The following CSRNP3 variants were observed in gnomAD, a reference collection of about 807,000 sequenced individuals.
The protein encoded by CSRNP3 is cysteine and serine rich nuclear protein 3.
A neutral mutation model predicts 48.0 loss-of-function variants in CSRNP3; 12 were observed. The observed-to-expected ratio is 0.25, with a 90% CI of 0.16 to 0.41. The LOEUF is 0.41. CSRNP3 is among the 10% of genes least tolerant of loss of function. CSRNP3 has a pLI of 1.00. For synonymous variants in CSRNP3, 263 were observed against 269.7 expected (o/e 0.98, Z 0.24); for missense variants, 580 against 724.4 (o/e 0.80, Z 2.29).
At chr2:165,670,249 G>A (rs1021148221) in intron 5 of CSRNP3, among the ~76,000 whole-genome samples, 7 of 152,024 alleles carry the variant, frequency 4.6e-5, no homozygotes, top group Non-Finnish European at 8.8e-5. Context: ...CCCACTGCCA[G>A]CCCCACTGCC....
intron 3 of CSRNP3, among the ~76,000 whole-genome samples, chr2:165,534,721 ATATT>A (rs1469912087): frequency 6.6e-6 from 1 of 151,820 alleles, no homozygotes; most frequent in Non-Finnish European, 1.5e-5. Context: ...CATCAAGTAA[ATATT>A]AAGTGAAAAA....
rs552531095 is a variant in CSRNP3 at position 165,672,184 on chromosome 2, C to G, written c.409-4128C>G. Among the ~76,000 whole-genome samples the G allele has an allele frequency of 3.3e-5, 5 of 152,314 alleles. No individual in the cohort carries two copies. In the South Asian group the frequency reaches 1.0e-3, roughly 32 times the overall value. ...TGAGCTCTCCAAACTGTTCCAACCT[C>G]TGCCTATTACCCAGTTCCAAAGTTG... On this transcript the variant is annotated intron_variant, in intron 5 of 6. Transcript: ENST00000651982.
At chr2:165,544,330 A>G (rs766594436) in intron 3 of CSRNP3, among the ~76,000 whole-genome samples, 4 of 152,170 alleles carry the variant, frequency 2.6e-5, no homozygotes, top group South Asian at 2.1e-4. Flanking sequence ...ATAGACAGCT[A>G]GAAATGGTGA....
intron 4 of CSRNP3, among the ~76,000 whole-genome samples, chr2:165,626,856 C>T (rs915674024): frequency 4.6e-5 from 7 of 152,156 alleles, no homozygotes; most frequent in Admixed American, 1.3e-4. Flanking sequence ...TATGGTTTTC[C>T]GTACCCTCAA....
intron 5 of CSRNP3, among the ~76,000 whole-genome samples, chr2:165,665,589 C>A (rs187470207): frequency 6.6e-6 from 1 of 151,964 alleles, no homozygotes; most frequent in Non-Finnish European, 1.5e-5. Context: ...AGTGAGACCC[C>A]TTCTCTACAA....
rs938814957 is a variant in CSRNP3 at position 165,565,376 on chromosome 2, T to C, written c.-23-29667T>C. On this transcript the variant is annotated intron_variant, in intron 3 of 6. Coordinates refer to ENST00000651982, the MANE Select transcript of CSRNP3 (RefSeq NM_001172173.2). Reference sequence around the variant, plus strand: ...TGAATGAAATGTTGATGTTCTAAACTAATAAAGGTGTGAAAAGAATATCTG... The same window carrying C: ...TGAATGAAATGTTGATGTTCTAAACCAATAAAGGTGTGAAAAGAATATCTG... Among the ~76,000 whole-genome samples the C allele has an allele frequency of 2.4e-4, 37 of 152,086 alleles. 1 individual carries two copies. The highest frequency in any genetic ancestry group is 2.4e-3 in the Admixed American group (37 of 15,242).
Position 165,680,850 on chromosome 2 carries a change from A to T in CSRNP3, c.*1097A>T, listed in dbSNP as rs1687523640. The T allele has an allele frequency of 6.6e-6, 1 of 152,152 alleles. No individual in the cohort carries two copies. Among genetic ancestry groups the T allele is most frequent in the African/African-American group, 2.4e-5 (1 of 41,448 alleles). The allele number at this position is 152,152 out of a possible 1,614,324, so 9.4% of individuals were successfully genotyped here. On this transcript the variant is annotated 3_prime_UTR_variant, in exon 7 of 7. Coordinates refer to ENST00000651982, the MANE Select transcript of CSRNP3 (RefSeq NM_001172173.2). ...GCAGAGGAGGCTGAGGAAACATGGA[A>T]GAGACACGACCTCAGCAACCAGCCT...
At chr2:165,505,126 C>T (rs566504708) in intron 2 of CSRNP3, among the ~76,000 whole-genome samples, 3 of 152,066 alleles carry the variant, frequency 2.0e-5, no homozygotes, top group South Asian at 4.1e-4. Context: ...TAAATTCATT[C>T]TTCAAACAAA....
chr2:165,575,667 A>T (rs1685438990), intron 3 of CSRNP3, among the ~76,000 whole-genome samples: 1 of 152,028 alleles, frequency 6.6e-6, no homozygotes, highest in Admixed American at 6.6e-5. Flanking sequence ...AATATGTTTT[A>T]TTGTAAAATA....
Position 165,687,489 on chromosome 2 carries a change from C to A in CSRNP3, c.*7736C>A, listed in dbSNP as rs891652983. ...ACAAAAAGTAAGCATTTTCTACATT[C>A]TTACTTCTAAGTAATGACCTTCTCA... On this transcript the variant is annotated 3_prime_UTR_variant, in exon 7 of 7. Transcript: ENST00000651982. The A allele has an allele frequency of 6.6e-6, 1 of 152,118 alleles. No homozygotes were observed. The highest frequency in any genetic ancestry group is 2.4e-5 in the African/African-American group (1 of 41,444). The allele number at this position is 152,118 out of a possible 1,614,324, so 9.4% of individuals were successfully genotyped here. A position where few individuals can be genotyped will look rare whatever the true frequency, so the allele number is the denominator to read the frequency against.
intron 3 of CSRNP3, among the ~76,000 whole-genome samples, chr2:165,541,203 T>C (rs1044012509): frequency 1.7e-4 from 26 of 150,096 alleles, no homozygotes; most frequent in African/African-American, 6.1e-4. Flanking sequence ...TATGTAATCA[T>C]ATCCTCTACA....
chr2:165,539,453 A>G (rs1015758220), intron 3 of CSRNP3, among the ~76,000 whole-genome samples: 3 of 151,896 alleles, frequency 2.0e-5, no homozygotes, highest in Non-Finnish European at 2.9e-5. Context: ...TTGTTTTCCA[A>G]TATTTGATTA....
intron 1 of CSRNP3, among the ~76,000 whole-genome samples, chr2:165,477,700 G>A (rs1683983604): frequency 6.6e-6 from 1 of 150,864 alleles, no homozygotes; most frequent in Non-Finnish European, 1.5e-5. Flanking sequence ...CGGTAGGCCA[G>A]GCATGGTGGC....
At chr2:165,556,806 A>G (rs1685166213) in intron 3 of CSRNP3, among the ~76,000 whole-genome samples, 1 of 152,196 alleles carries the variant, frequency 6.6e-6, no homozygotes, top group Non-Finnish European at 1.5e-5. Flanking sequence ...CAATATAGCA[A>G]TGCAAGAAGA....
At chr2:165,571,223 G>T (rs1380871274) in intron 3 of CSRNP3, among the ~76,000 whole-genome samples, 1 of 151,814 alleles carries the variant, frequency 6.6e-6, no homozygotes, top group African/African-American at 2.4e-5. Flanking sequence ...TATTTATAGT[G>T]CTTCTGACTT....
intron 5 of CSRNP3, among the ~76,000 whole-genome samples, chr2:165,665,387 A>G (rs1687161303): frequency 6.6e-6 from 1 of 152,168 alleles, no homozygotes; most frequent in African/African-American, 2.4e-5. Context: ...TCCATTTTCC[A>G]CATGAAGAGC....
chr2:165,556,487 G>T (rs1685162359), intron 3 of CSRNP3, among the ~76,000 whole-genome samples: 1 of 152,140 alleles, frequency 6.6e-6, no homozygotes, highest in Non-Finnish European at 1.5e-5. Context: ...GGAGCAGGAA[G>T]TAGTGGGTCA....
intron 3 of CSRNP3, among the ~76,000 whole-genome samples, chr2:165,546,833 A>G (rs1685036849): frequency 6.6e-6 from 1 of 152,252 alleles, no homozygotes; most frequent in Admixed American, 6.5e-5. Context: ...ATTACAAATC[A>G]GAAAGTGAAT....
chr2:165,656,314 C>A (rs1687003751), intron 4 of CSRNP3, among the ~76,000 whole-genome samples: 1 of 152,188 alleles, frequency 6.6e-6, no homozygotes, highest in African/African-American at 2.4e-5. Context: ...GCCATGTTTA[C>A]AAAGTGTGGC....
Sources: allele counts gnomAD v4.1 joint callset (sites outside exome capture counted in the v4.1 genomes callset), GRCh38; gene constraint gnomAD v4.1.1; transcripts MANE v1.5; gene names NCBI Gene and HGNC (gene_info 2026-07-23, HGNC 2026-07-21).